The following CSMD3 variants were observed in gnomAD, a reference collection of about 807,000 sequenced individuals.
The protein encoded by CSMD3 is CUB and sushi domain-containing protein 3.
In CSMD3, 177 loss-of-function variants were observed where a neutral mutation model predicts 435.2. The ratio of observed to expected loss-of-function variants is 0.41; its 90% CI spans 0.36 to 0.46. The LOEUF is 0.46. Ranked by LOEUF, CSMD3 falls within the 20% of genes least tolerant of loss-of-function variation. The pLI is 0.34. For missense variants in CSMD3, 4,265 were observed against 4,504.6 expected, an observed-to-expected ratio of 0.95 and a Z score of 1.52; for synonymous variants, 1,656 against 1,520.5, an observed-to-expected ratio of 1.09 and a Z score of -2.07.
At chr8:112,506,925 A>T (rs1046627824) in intron 28 of CSMD3, 96 bp from the exon 29 acceptor site, 10 of 1,124,058 alleles carry the variant, frequency 8.9e-6, no homozygotes, top group Non-Finnish European at 1.3e-5. Flanking sequence ...AGAGCTTATG[A>T]GGCTTTGTAC....
chr8:112,762,866 CAGAG>C (rs1267025570), intron 13 of CSMD3, among the ~76,000 whole-genome samples: 1 of 151,682 alleles, frequency 6.6e-6, no homozygotes, highest in South Asian at 2.1e-4. Context: ...CTCATAAAAA[CAGAG>C]AGTAGCATAG....
In CSMD3 at chr8:113,113,797, C is replaced by T. The variant is rs184754433; in HGVS notation, c.710-14834G>A. Among the ~76,000 whole-genome samples the T allele has an allele frequency of 7.9e-3, 1,206 of 152,274 alleles. 5 individuals carry two copies. Among genetic ancestry groups the T allele is most frequent in the Middle Eastern group, 0.014 (4 of 294 alleles). On this transcript the variant is annotated intron_variant, in intron 4 of 70. Coordinates refer to ENST00000297405, the MANE Select transcript of CSMD3 (RefSeq NM_198123.2). ...AAATGCGAATCAATAACCCCTCAAACTAAAATTCATGAAATCAATTCTTTG... is the reference window on the plus strand; with the variant it reads ...AAATGCGAATCAATAACCCCTCAAATTAAAATTCATGAAATCAATTCTTTG...
chr8:113,432,703 A>G (rs1329126147), intron 1 of CSMD3, among the ~76,000 whole-genome samples: 2 of 152,142 alleles, frequency 1.3e-5, no homozygotes, highest in African/African-American at 4.8e-5. Flanking sequence ...TGCGTCTTAG[A>G]TAAGTTATTT....
chr8:113,417,714 T>C (rs1313843920), intron 1 of CSMD3, among the ~76,000 whole-genome samples: 2 of 151,998 alleles, frequency 1.3e-5, no homozygotes, highest in African/African-American at 4.8e-5. Context: ...ATCCATGAAT[T>C]TTCAGAAATA....
intron 68 of CSMD3, among the ~76,000 whole-genome samples, chr8:112,234,139 G>A (rs563553540): frequency 1.3e-5 from 2 of 148,232 alleles, no homozygotes; most frequent in Non-Finnish European, 3.0e-5. Flanking sequence ...CCACACACAC[G>A]TACACCCCAC....
At chr8:112,753,214 G>T (rs1193694461) in intron 13 of CSMD3, among the ~76,000 whole-genome samples, 16 of 151,986 alleles carry the variant, frequency 1.1e-4, no homozygotes, top group African/African-American at 3.9e-4. Context: ...TATGAGTTAT[G>T]GTGGTGTTAT....
chr8:112,374,467 C>T (rs1828754800), intron 38 of CSMD3, among the ~76,000 whole-genome samples: 1 of 151,986 alleles, frequency 6.6e-6, no homozygotes, highest in Non-Finnish European at 1.5e-5. Flanking sequence ...TTTATGTCAC[C>T]AGTGTAGTCA....
At chr8:113,165,362 A>C (rs2092129540) in intron 4 of CSMD3, among the ~76,000 whole-genome samples, 1 of 152,178 alleles carries the variant, frequency 6.6e-6, no homozygotes, top group Admixed American at 6.5e-5. Flanking sequence ...TAGCTTCTTC[A>C]AAAATGTAAA....
At chr8:112,329,925 C>T (rs887799302) in intron 45 of CSMD3, among the ~76,000 whole-genome samples, 1 of 152,014 alleles carries the variant, frequency 6.6e-6, no homozygotes, top group Non-Finnish European at 1.5e-5. Context: ...CATATACACA[C>T]AAACACACAC....
chr8:112,404,733 ATG>A (rs924874211), intron 35 of CSMD3, among the ~76,000 whole-genome samples: 2 of 152,100 alleles, frequency 1.3e-5, no homozygotes, highest in African/African-American at 4.8e-5. Flanking sequence ...ATATGGCAAA[ATG>A]TGTTATTAAA....
chr8:112,449,512 G>A (rs76454523), intron 32 of CSMD3, among the ~76,000 whole-genome samples: 1,571 of 152,220 alleles, frequency 0.01, 31 homozygotes, highest in African/African-American at 0.035. Flanking sequence ...AATATGCGCC[G>A]AGTGCTATGG....
At chr8:112,983,215 T>A (rs1172287451) in intron 6 of CSMD3, among the ~76,000 whole-genome samples, 1 of 151,862 alleles carries the variant, frequency 6.6e-6, no homozygotes, top group Non-Finnish European at 1.5e-5. Flanking sequence ...GCAGTCTTTA[T>A]CCTAACCTAC....
At chr8:113,132,857 T>C (rs1344333878) in intron 4 of CSMD3, among the ~76,000 whole-genome samples, 2 of 152,172 alleles carry the variant, frequency 1.3e-5, no homozygotes. Flanking sequence ...CTATATGCCT[T>C]TGTTATGAAC....
chr8:112,632,774 T>G (rs2074552266), intron 22 of CSMD3, among the ~76,000 whole-genome samples: 1 of 151,984 alleles, frequency 6.6e-6, no homozygotes, highest in Admixed American at 6.6e-5. Flanking sequence ...TGTTTCTTAT[T>G]TTAATCAACT....
rs149498791 is a variant in CSMD3, at chr8:113,116,136, AC to A, written c.710-17174del. The stretch of plus-strand genomic sequence containing the variant: ...ATATCAGGATTAATACACTAAAAAA[AC>A]ATAATTTATTTCTACAGGGAAGCTG... On this transcript the variant is annotated intron_variant, in intron 4 of 70. Coordinates refer to ENST00000297405, the MANE Select transcript of CSMD3 (RefSeq NM_198123.2). 8.2e-3 allele frequency among the ~76,000 whole-genome samples: 1,256 copies of A among 152,278 alleles called. 30 individuals are homozygous for A. The highest frequency in any genetic ancestry group is 0.029 in the African/African-American group (1,190 of 41,558).
intron 10 of CSMD3, among the ~76,000 whole-genome samples, chr8:112,913,354 T>C (rs2082482049): frequency 6.6e-6 from 1 of 151,866 alleles, no homozygotes; most frequent in African/African-American, 2.4e-5. Context: ...GACAATCTAA[T>C]GCTGCTGCTC....
chr8:112,690,903 G>T (rs933698571), intron 13 of CSMD3, among the ~76,000 whole-genome samples: 1 of 151,866 alleles, frequency 6.6e-6, no homozygotes, highest in African/African-American at 2.4e-5. Context: ...TTAAAAAAAT[G>T]TAACTTTAAG....
chr8:113,050,649 G>A (rs572311878), intron 5 of CSMD3, among the ~76,000 whole-genome samples: 48 of 152,106 alleles, frequency 3.2e-4, no homozygotes, highest in Admixed American at 2.9e-3. Flanking sequence ...ATATTTGTAC[G>A]TATCTACCCA....
rs1243670669 is a variant in CSMD3 at position 112,497,481 on chromosome 8, AT to A, written c.5084-4799del. ...TCAAAATATCTCATGTACTCCATAA[AT>A]ATATATATATATATATATATACCTA... On this transcript the variant is annotated intron_variant, in intron 30 of 70. Transcript: ENST00000297405. Among the ~76,000 whole-genome samples, 8 of 24,276 alleles carry A rather than the reference AT, an allele frequency of 3.3e-4. No individual in the cohort carries two copies. The African/African-American group carries it at 6.1e-3, about 18-fold the overall frequency. The allele number at this position is 24,276 out of a possible 152,430, so 15.9% of individuals were successfully genotyped here. A position where few individuals can be genotyped will look rare whatever the true frequency, so the allele number is the denominator to read the frequency against.
Sources: gnomAD v4.1 joint callset for allele counts (sites outside exome capture counted in the v4.1 genomes callset) on GRCh38, gnomAD v4.1.1 for gene constraint, MANE v1.5 for transcripts, NCBI Gene and HGNC (gene_info 2026-07-23, HGNC 2026-07-21) for gene names.